Variants in KAZN observed in about 807,000 individuals in gnomAD.
KAZN encodes the protein kazrin.
KAZN carries 40 observed loss-of-function variants against 87.4 expected under a neutral mutation model. The observed-to-expected ratio is 0.46, with a 90% CI of 0.36 to 0.60. The LOEUF is 0.60. Ranked by LOEUF, KAZN falls within the 20% of genes least tolerant of loss-of-function variation. The pLI, the probability that KAZN is intolerant of heterozygous loss-of-function variation, is 0.00. For missense variants in KAZN, 898 were observed against 1,073.9 expected (o/e 0.84, Z 2.29); for synonymous variants, 466 against 458.3 (o/e 1.02, Z -0.22).
At chr1:14,931,928 C>T (rs765958645) in intron 1 of KAZN, among the ~76,000 whole-genome samples, 1 of 152,114 alleles carries the variant, frequency 6.6e-6, no homozygotes, top group Non-Finnish European at 1.5e-5. Context: ...TGTCCGGGCA[C>T]GCGTGTTCCC....
chr1:13,919,809 TGTA>T (rs1432688003), intron 1 of KAZN, among the ~76,000 whole-genome samples: 7 of 152,362 alleles, frequency 4.6e-5, no homozygotes, highest in African/African-American at 1.7e-4. Flanking sequence ...CCAATTTTGA[TGTA>T]GTCCACAATA....
At chr1:14,051,990 G>A (rs1305397016) in intron 1 of KAZN, among the ~76,000 whole-genome samples, 1 of 152,218 alleles carries the variant, frequency 6.6e-6, no homozygotes, top group Admixed American at 6.5e-5. Flanking sequence ...GTATAGCAGA[G>A]GCTAAACTTT....
At chr1:14,482,683 T>A (rs1171491601) in intron 2 of KAZN, among the ~76,000 whole-genome samples, 1 of 152,102 alleles carries the variant, frequency 6.6e-6, no homozygotes, top group Non-Finnish European at 1.5e-5. Flanking sequence ...GTGAGGGGTC[T>A]TTATGGAGTT....
intron 1 of KAZN, among the ~76,000 whole-genome samples, chr1:14,000,665 C>G (rs1639744087): frequency 6.6e-6 from 1 of 152,228 alleles, no homozygotes; most frequent in African/African-American, 2.4e-5. Context: ...CCTCTCTCAC[C>G]ACTCCTATTC....
chr1:14,185,792 T>C (rs978199099), intron 2 of KAZN, among the ~76,000 whole-genome samples: 6 of 152,216 alleles, frequency 3.9e-5, no homozygotes, highest in Admixed American at 2.6e-4. Flanking sequence ...AAAATTGTAA[T>C]ACTCTTGTTC....
intron 2 of KAZN, among the ~76,000 whole-genome samples, chr1:14,433,487 T>A (rs748399047): frequency 2.0e-4 from 31 of 152,130 alleles, no homozygotes; most frequent in Non-Finnish European, 3.4e-4. Context: ...TATTAGGAGA[T>A]GGGGTTTTGA....
chr1:14,242,975 T>A (rs1340221129), intron 2 of KAZN, among the ~76,000 whole-genome samples: 1 of 152,228 alleles, frequency 6.6e-6, no homozygotes, highest in African/African-American at 2.4e-5. Context: ...TCTTCTCTGA[T>A]GATTTCGAAT....
chr1:15,067,549 A>G, intron 8 of KAZN: 2 of 985,466 alleles, frequency 2.0e-6, no homozygotes, highest in African/African-American at 3.5e-5. Context: ...CCTCTAGACA[A>G]CAGTAGTCGT....
At chr1:15,023,282 G>A (rs974781797) in intron 2 of KAZN, among the ~76,000 whole-genome samples, 2 of 152,190 alleles carry the variant, frequency 1.3e-5, no homozygotes, top group African/African-American at 2.4e-5. Flanking sequence ...CATTTCCCAC[G>A]ATAAACACAG....
At chr1:14,501,116 TAAATAAATAAATAA>T (rs1460127979) in intron 2 of KAZN, among the ~76,000 whole-genome samples, 1 of 117,804 alleles carries the variant, frequency 8.5e-6, no homozygotes, top group Non-Finnish European at 2.0e-5. Context: ...AATAAATAAA[TAAATAAATAAATAA>T]AAATAATAAT....
intron 2 of KAZN, among the ~76,000 whole-genome samples, chr1:14,578,881 A>T (rs1044004276): frequency 6.6e-6 from 1 of 152,186 alleles, no homozygotes; most frequent in Non-Finnish European, 1.5e-5. Flanking sequence ...ACCTTTGGAG[A>T]TAGGCAGATG....
chr1:14,439,030 A>G (rs1666554776), intron 2 of KAZN, among the ~76,000 whole-genome samples: 1 of 152,216 alleles, frequency 6.6e-6, no homozygotes, highest in Non-Finnish European at 1.5e-5. Context: ...GTCCAGACTC[A>G]TCTTCTAAAC....
At chr1:14,955,794 C>G (rs976047240) in intron 1 of KAZN, among the ~76,000 whole-genome samples, 2 of 152,190 alleles carry the variant, frequency 1.3e-5, no homozygotes, top group Non-Finnish European at 2.9e-5. Context: ...CAGAGAAGAC[C>G]CTGGCAGATG....
chr1:14,986,143 G>A lies in KAZN; in HGVS notation c.418+25268G>A, dbSNP rs899040758. Among the ~76,000 whole-genome samples, 4 of 151,734 alleles carry A rather than the reference G, an allele frequency of 2.6e-5. No homozygotes were observed. The East Asian group carries it at 7.7e-4, about 29-fold the overall frequency. ...TCATTTGGGATCCTGGATCGGAGGG[G>A]TGAAAAAGCCATGAAAACCATTAAG... On this transcript the variant is annotated intron_variant, in intron 2 of 14. Transcript: ENST00000376030.
At chr1:14,509,065 G>A (rs142382134) in intron 2 of KAZN, among the ~76,000 whole-genome samples, 39 of 152,322 alleles carry the variant, frequency 2.6e-4, no homozygotes, top group South Asian at 1.7e-3. Context: ...AAGGAAAAGC[G>A]TATAGTGTTA....
In KAZN at chr1:14,735,636, C is replaced by A. The variant is rs2050123; in HGVS notation, c.226+136413C>A. On this transcript the variant is annotated intron_variant, in intron 1 of 14. Coordinates refer to ENST00000376030, the MANE Select transcript of KAZN (RefSeq NM_201628.3). This position sits in a 1 kb window ranked among gnomAD's most constrained non-coding sequence, Gnocchi z 4.3. ...TATACCCAAACATCAGCGAGGCTGC[C>A]GTGAGAAGCAGCAGGAGACACACAA... 0.38 allele frequency among the ~76,000 whole-genome samples: 58,300 copies of A among 151,984 alleles called. 11,414 individuals carry two copies. Among genetic ancestry groups the A allele is most frequent in the Middle Eastern group, 0.46 (134 of 292 alleles).
intron 1 of KAZN, among the ~76,000 whole-genome samples, chr1:14,682,481 G>T (rs1039074382): frequency 6.6e-6 from 1 of 151,672 alleles, no homozygotes; most frequent in African/African-American, 2.4e-5. Flanking sequence ...GTAGAGACAG[G>T]ATCTCCCTGT....
In KAZN at chr1:14,777,006, T is replaced by A. The variant is rs553536268; in HGVS notation, c.226+177783T>A. On this transcript the variant is annotated intron_variant, in intron 1 of 14. Transcript: ENST00000376030. Reference sequence around the variant, plus strand: ...TTCTTTGTTTTGTTTTGTTTTGTGTTTTGTTTTGTTTTGAGACGGAGTCTC... The same window carrying A: ...TTCTTTGTTTTGTTTTGTTTTGTGTATTGTTTTGTTTTGAGACGGAGTCTC... 3.3e-5 allele frequency among the ~76,000 whole-genome samples: 5 copies of A among 152,016 alleles called. No homozygotes were observed. In the South Asian group the frequency reaches 1.0e-3, roughly 32 times the overall value.
intron 2 of KAZN, among the ~76,000 whole-genome samples, chr1:14,416,443 AAATGAG>A (rs1344411991): frequency 6.6e-6 from 1 of 152,234 alleles, no homozygotes; most frequent in Non-Finnish European, 1.5e-5. Context: ...GTAATATAAA[AAATGAG>A]TTGGTGGCTG....
Sources: gnomAD v4.1 joint callset for allele counts (sites outside exome capture counted in the v4.1 genomes callset) on GRCh38, gnomAD v4.1.1 for gene constraint, Gnocchi (gnomAD v3.1) non-coding constraint, MANE v1.5 for transcripts, NCBI Gene and HGNC (gene_info 2026-07-23, HGNC 2026-07-21) for gene names.